Variants in VWC2 observed in about 807,000 individuals in gnomAD.
The protein encoded by VWC2 is von Willebrand factor C domain containing 2, also known as brorin.
Under a neutral mutation model 29.8 loss-of-function variants are expected in VWC2, and 14 were observed. The observed-to-expected ratio is 0.47, with a 90% CI of 0.31 to 0.74. The LOEUF is 0.74. Ranked by LOEUF, VWC2 falls within the 30% of genes least tolerant of loss-of-function variation. VWC2 has a pLI of 0.05. For missense variants in VWC2, 457 were observed against 459.8 expected (o/e 0.99, Z 0.05); for synonymous variants, 213 against 199.0 (o/e 1.07, Z -0.59).
At chr7:49,905,218 G>A (rs1279949667) in intron 3 of VWC2, among the ~76,000 whole-genome samples, 2 of 152,122 alleles carry the variant, frequency 1.3e-5, no homozygotes, top group East Asian at 3.8e-4. Flanking sequence ...TATTCAACAT[G>A]GGCAGTTCTA....
chr7:49,840,329 T>C (rs993372468), intron 3 of VWC2, among the ~76,000 whole-genome samples: 2 of 152,174 alleles, frequency 1.3e-5, no homozygotes, highest in African/African-American at 4.8e-5. Flanking sequence ...ATTCTAGCAG[T>C]CATGCAGCAG....
intron 2 of VWC2, among the ~76,000 whole-genome samples, chr7:49,796,473 T>A (rs550660159): frequency 2.0e-5 from 3 of 152,298 alleles, no homozygotes; most frequent in Middle Eastern, 3.4e-3. Flanking sequence ...CTTATTCAGG[T>A]AACAGGATTG....
intron 3 of VWC2, among the ~76,000 whole-genome samples, chr7:49,831,415 T>C (rs1789521701): frequency 6.6e-6 from 1 of 152,210 alleles, no homozygotes; most frequent in African/African-American, 2.4e-5. Flanking sequence ...CAAACGTATT[T>C]ACTAACCTGG....
At chr7:49,829,261 A>T (rs1789471747) in intron 3 of VWC2, among the ~76,000 whole-genome samples, 1 of 152,158 alleles carries the variant, frequency 6.6e-6, no homozygotes, top group African/African-American at 2.4e-5. Context: ...GAATCTGAAC[A>T]CCAATGTGAC....
chr7:49,775,420 C>T lies in VWC2; in HGVS notation c.-16C>T. On this transcript the variant is annotated 5_prime_UTR_variant, in exon 2 of 4. Transcript: ENST00000340652. ...CCGCGCTCCCCGCCCGCCCGCCCGC[C>T]GGGACGTGGTAGGGGATGCCCAGCT... 1.5e-6 allele frequency: 2 copies of T among 1,337,554 alleles called. No homozygotes were observed. The highest frequency in any genetic ancestry group is 1.9e-6 in the Non-Finnish European group (2 of 1,045,492). 82.9% of individuals were successfully genotyped at this position (1,337,554 alleles called of 1,614,324 possible).
At chr7:49,813,648 T>G (rs1197796016) in intron 3 of VWC2, among the ~76,000 whole-genome samples, 1 of 152,222 alleles carries the variant, frequency 6.6e-6, no homozygotes, top group Non-Finnish European at 1.5e-5. Context: ...TAATTTATGT[T>G]TGGTGTATTC....
At chr7:49,779,154 GA>G (rs1788121623) in intron 2 of VWC2, among the ~76,000 whole-genome samples, 1 of 152,192 alleles carries the variant, frequency 6.6e-6, no homozygotes, top group Non-Finnish European at 1.5e-5. Flanking sequence ...CTGTGCTTGT[GA>G]TGTGCAGGGT....
intron 3 of VWC2, among the ~76,000 whole-genome samples, chr7:49,819,904 A>C (rs1318020189): frequency 6.6e-6 from 1 of 152,180 alleles, no homozygotes. Context: ...ACCATGTCCT[A>C]TAAATAGAGG....
At chr7:49,872,519 C>T (rs537039904) in intron 3 of VWC2, among the ~76,000 whole-genome samples, 8 of 150,762 alleles carry the variant, frequency 5.3e-5, no homozygotes, top group Non-Finnish European at 7.4e-5. Flanking sequence ...CTATGGCTTA[C>T]GGGGAATGAA....
At chr7:49,798,567 C>T (rs1204205560) in intron 2 of VWC2, among the ~76,000 whole-genome samples, 2 of 152,148 alleles carry the variant, frequency 1.3e-5, no homozygotes, top group African/African-American at 4.8e-5. Context: ...TGTACAGTGG[C>T]CATCCTGGGG....
chr7:49,859,663 G>T (rs568077712), intron 3 of VWC2, among the ~76,000 whole-genome samples: 1 of 152,228 alleles, frequency 6.6e-6, no homozygotes, highest in African/African-American at 2.4e-5. Flanking sequence ...TCTCTAAAGT[G>T]CTATAGATTT....
chr7:49,787,219 G>A (rs1284224161), intron 2 of VWC2, among the ~76,000 whole-genome samples: 1 of 152,180 alleles, frequency 6.6e-6, no homozygotes, highest in Non-Finnish European at 1.5e-5. Flanking sequence ...AGGGCAATAG[G>A]CCAATCAGAA....
At chr7:49,792,488 G>C (rs1002105979) in intron 2 of VWC2, among the ~76,000 whole-genome samples, 1 of 152,184 alleles carries the variant, frequency 6.6e-6, no homozygotes, top group Non-Finnish European at 1.5e-5. Flanking sequence ...GGTTCAACAG[G>C]TAACTTCCTC....
At chr7:49,866,336 G>C (rs111361613) in intron 3 of VWC2, among the ~76,000 whole-genome samples, 1 of 152,134 alleles carries the variant, frequency 6.6e-6, no homozygotes, top group Non-Finnish European at 1.5e-5. Flanking sequence ...CCTGACTGGC[G>C]TTCTTCCCTC....
At position 49,916,431 on chromosome 7, in the gene VWC2, T is replaced by C. The variant is rs925310345; in HGVS notation, c.*4246T>C. ...AGCCATTTTCAATGTCCAGTTCAAG[T>C]GCCATTGCTGGTAAGGCTTCTGTAG... On this transcript the variant is annotated 3_prime_UTR_variant, in exon 4 of 4. Coordinates refer to ENST00000340652, the MANE Select transcript of VWC2 (RefSeq NM_198570.5). The C allele has an allele frequency of 2.0e-5, 3 of 152,208 alleles. No homozygotes were observed. Among genetic ancestry groups the C allele is most frequent in the Non-Finnish European group, 4.4e-5 (3 of 68,036 alleles). 9.4% of individuals were successfully genotyped at this position (152,208 alleles called of 1,614,324 possible).
At chr7:49,895,369 G>GATTC (rs1792332087) in intron 3 of VWC2, among the ~76,000 whole-genome samples, 2 of 152,126 alleles carry the variant, frequency 1.3e-5, no homozygotes, top group Non-Finnish European at 2.9e-5. Context: ...GAATTCCAGG[G>GATTC]GGACACCAAT....
intron 3 of VWC2, among the ~76,000 whole-genome samples, chr7:49,866,686 G>A (rs1397835687): frequency 1.3e-5 from 2 of 152,166 alleles, no homozygotes; most frequent in Non-Finnish European, 2.9e-5. Context: ...CAGGATTGTG[G>A]TGCATTACTA....
At chr7:49,833,607 T>C (rs998569077) in intron 3 of VWC2, among the ~76,000 whole-genome samples, 3 of 152,166 alleles carry the variant, frequency 2.0e-5, no homozygotes, top group East Asian at 3.8e-4. Context: ...TCCATGCAAA[T>C]GTAGTCAAGC....
rs182146626 is a variant in VWC2, at chr7:49,901,687, C to T, written c.827-10347C>T. On this transcript the variant is annotated intron_variant, in intron 3 of 3. Coordinates refer to ENST00000340652, the MANE Select transcript of VWC2 (RefSeq NM_198570.5). The stretch of plus-strand genomic sequence containing the variant: ...GGAAGCAATTTTATAGTTATCAAAA[C>T]GGATCCTGTTTTATCTGGAGGGGCA... Among the ~76,000 whole-genome samples the T allele has an allele frequency of 1.2e-4, 18 of 151,872 alleles. No individual in the cohort carries two copies. In the East Asian group the frequency reaches 2.7e-3, roughly 23 times the overall value.
Sources: allele counts gnomAD v4.1 joint callset (sites outside exome capture counted in the v4.1 genomes callset), GRCh38; gene constraint gnomAD v4.1.1; transcripts MANE v1.5; gene names NCBI Gene and HGNC (gene_info 2026-07-23, HGNC 2026-07-21).